Variants in CACNA1A observed in about 807,000 individuals in gnomAD.
CACNA1A encodes calcium voltage-gated channel subunit alpha1 A, also known as voltage-dependent P/Q-type calcium channel subunit alpha-1A.
A neutral mutation model predicts 262.4 loss-of-function variants in CACNA1A; 57 were observed. The ratio of observed to expected loss-of-function variants is 0.22; its 90% CI spans 0.18 to 0.27. CACNA1A has a LOEUF of 0.27. CACNA1A is among the 10% of genes least tolerant of loss of function. The pLI is 1.00. For missense variants in CACNA1A, 2,526 were observed against 3,562.8 expected, an observed-to-expected ratio of 0.71 and a Z score of 7.41; for synonymous variants, 1,431 against 1,419.3, an observed-to-expected ratio of 1.01 and a Z score of -0.18.
intron 3 of CACNA1A, among the ~76,000 whole-genome samples, chr19:13,378,861 G>A (rs2059462682): frequency 6.6e-6 from 1 of 151,486 alleles, no homozygotes; most frequent in South Asian, 2.1e-4. Flanking sequence ...TAGAGACGGG[G>A]TTTCACCATG....
chr19:13,411,144 T>C (rs1458893837), intron 3 of CACNA1A, among the ~76,000 whole-genome samples: 3 of 152,218 alleles, frequency 2.0e-5, no homozygotes, highest in Admixed American at 1.3e-4. Context: ...GCAATTACTT[T>C]TGCACCAACC....
At chr19:13,499,894 T>C (rs1401388138) in intron 1 of CACNA1A, among the ~76,000 whole-genome samples, 1 of 151,758 alleles carries the variant, frequency 6.6e-6, no homozygotes, top group Non-Finnish European at 1.5e-5. Context: ...CTGGATGGAG[T>C]CCACCTTCCC....
Position 13,277,134 on chromosome 19 carries a change from A to G in CACNA1A, c.3823-6T>C. 6.2e-7 allele frequency: 1 copy of G among 1,608,526 alleles called. No homozygotes were observed. The highest frequency in any genetic ancestry group is 8.5e-7 in the Non-Finnish European group (1 of 1,175,190). Reference sequence around the variant, plus strand: ...TAGTCAAAGTATCGCAGCACCTGTAAGGGATAAAAGCAAGAGAGCAGTGGA... The same window carrying G: ...TAGTCAAAGTATCGCAGCACCTGTAGGGGATAAAAGCAAGAGAGCAGTGGA... On this transcript the variant is annotated splice_region_variant and splice_polypyrimidine_tract_variant and intron_variant, in intron 22 of 46. Coordinates refer to ENST00000360228, the MANE Select transcript of CACNA1A (RefSeq NM_001127222.2).
At chr19:13,396,182 T>C (rs1186673100) in intron 3 of CACNA1A, among the ~76,000 whole-genome samples, 1 of 152,224 alleles carries the variant, frequency 6.6e-6, no homozygotes, top group African/African-American at 2.4e-5. Context: ...AAACCAAGGT[T>C]CCGGAAGGCC....
At chr19:13,321,085 G>A (rs182154641) in intron 10 of CACNA1A, among the ~76,000 whole-genome samples, 2,726 of 148,662 alleles carry the variant, frequency 0.018, 38 homozygotes, top group Non-Finnish European at 0.029. Flanking sequence ...CCGGGCTGGA[G>A]TGCAGTGGCA....
At chr19:13,441,052 A>G (rs1403502536) in intron 3 of CACNA1A, among the ~76,000 whole-genome samples, 1 of 152,178 alleles carries the variant, frequency 6.6e-6, no homozygotes, top group East Asian at 1.9e-4. Context: ...AGTTTAAGCG[A>G]TTCACCCACC....
chr19:13,281,966 T>C (rs1009724166), intron 22 of CACNA1A, among the ~76,000 whole-genome samples: 2 of 152,216 alleles, frequency 1.3e-5, no homozygotes, highest in African/African-American at 4.8e-5. Flanking sequence ...TTCTTCAGCA[T>C]CCTCGCGTCA....
At position 13,231,696 on chromosome 19, in the gene CACNA1A, G is replaced by A; in HGVS notation, c.5400+14C>T. 6.2e-7 allele frequency: 1 copy of A among 1,605,672 alleles called. No individual in the cohort carries two copies. The highest frequency in any genetic ancestry group is 8.5e-7 in the Non-Finnish European group (1 of 1,175,966). On this transcript the variant is annotated intron_variant, in intron 35 of 46. Coordinates refer to ENST00000360228, the MANE Select transcript of CACNA1A (RefSeq NM_001127222.2). Reference sequence around the variant, plus strand: ...AGGGAGCCCAGACGGCCCTCACAGTGTCCACAGACTCACCAGAAACGAGCA... The same window carrying A: ...AGGGAGCCCAGACGGCCCTCACAGTATCCACAGACTCACCAGAAACGAGCA...
At chr19:13,427,382 G>A (rs2060421137) in intron 3 of CACNA1A, among the ~76,000 whole-genome samples, 1 of 151,956 alleles carries the variant, frequency 6.6e-6, no homozygotes. Context: ...AACCCAGGAG[G>A]CGGAGGTTGC....
chr19:13,404,677 C>A (rs1289112573), intron 3 of CACNA1A, among the ~76,000 whole-genome samples: 1 of 152,120 alleles, frequency 6.6e-6, no homozygotes, highest in Non-Finnish European at 1.5e-5. Context: ...AAATATGGTA[C>A]AAGTCCCGTG....
chr19:13,247,929 G>A (rs1429109473), intron 30 of CACNA1A, among the ~76,000 whole-genome samples: 2 of 152,058 alleles, frequency 1.3e-5, no homozygotes, highest in South Asian at 4.2e-4. Context: ...GGCACTGGAG[G>A]ATAAATACTC....
At chr19:13,278,780 C>T (rs568446055) in intron 22 of CACNA1A, among the ~76,000 whole-genome samples, 142 of 152,318 alleles carry the variant, frequency 9.3e-4, no homozygotes, top group African/African-American at 3.3e-3. Context: ...CCTGGAGGAG[C>T]TGGGCTCTGT....
chr19:13,384,107 T>G (rs566423240), intron 3 of CACNA1A, among the ~76,000 whole-genome samples: 2 of 152,332 alleles, frequency 1.3e-5, no homozygotes, highest in South Asian at 4.1e-4. Context: ...TGAGCCACCA[T>G]GCCTGGCCGT....
At chr19:13,495,540 C>T (rs889739640) in intron 1 of CACNA1A, among the ~76,000 whole-genome samples, 12 of 152,168 alleles carry the variant, frequency 7.9e-5, no homozygotes, top group Non-Finnish European at 1.6e-4. Context: ...TTGTGATCTG[C>T]CTGCCTCGGC....
At chr19:13,297,647 CA>C (rs1444393210) in intron 19 of CACNA1A, among the ~76,000 whole-genome samples, 2 of 152,080 alleles carry the variant, frequency 1.3e-5, no homozygotes, top group Non-Finnish European at 2.9e-5. Flanking sequence ...CCTGTCTCTA[CA>C]AAACACTGTC....
intron 25 of CACNA1A, chr19:13,262,520 GA>G: frequency 1.9e-6 from 1 of 524,918 alleles, no homozygotes; most frequent in East Asian, 3.1e-5. Context: ...TTCATCTAAA[GA>G]AAAACTGCCA....
intron 15 of CACNA1A, among the ~76,000 whole-genome samples, chr19:13,304,568 G>A (rs2057857895): frequency 6.7e-6 from 1 of 150,270 alleles, no homozygotes; most frequent in African/African-American, 2.5e-5. Context: ...GCTGCAGTGA[G>A]CTATGATTGT....
intron 32 of CACNA1A, 109 bp downstream of exon 32, chr19:13,235,505 T>C (rs908164436): frequency 7.2e-6 from 6 of 834,052 alleles, no homozygotes; most frequent in Admixed American, 4.0e-5. Flanking sequence ...ACAGATTCTC[T>C]GCACGACTAC....
At chr19:13,480,902 A>AC (rs1312275625) in intron 1 of CACNA1A, among the ~76,000 whole-genome samples, 3 of 152,148 alleles carry the variant, frequency 2.0e-5, no homozygotes, top group Non-Finnish European at 4.4e-5. Context: ...TCTGATCAAA[A>AC]ACTCATCAGA....
Sources: allele counts gnomAD v4.1 joint callset (sites outside exome capture counted in the v4.1 genomes callset), GRCh38; gene constraint gnomAD v4.1.1; transcripts MANE v1.5; gene names NCBI Gene and HGNC (gene_info 2026-07-23, HGNC 2026-07-21).